Variants in B3GALT1 observed in about 807,000 individuals in gnomAD.
The protein encoded by B3GALT1 is beta-1,3-galactosyltransferase 1.
Under a neutral mutation model 23.2 loss-of-function variants are expected in B3GALT1, and 10 were observed. That is an observed-to-expected ratio of 0.43 (90% confidence interval 0.27 to 0.73). The LOEUF is 0.73. Among genes scored for constraint, B3GALT1 ranks in the 30% least tolerant of loss-of-function variants. The pLI is 0.21. For missense variants in B3GALT1, 299 were observed against 405.4 expected (o/e 0.74, Z 2.25); for synonymous variants, 156 against 141.5 (o/e 1.10, Z -0.73).
intron 1 of B3GALT1, among the ~76,000 whole-genome samples, chr2:167,457,280 C>T (rs1699186815): frequency 6.6e-6 from 1 of 152,026 alleles, no homozygotes; most frequent in African/African-American, 2.4e-5. Context: ...TCAAACGATT[C>T]TCCTGCCTCA....
intron 4 of B3GALT1, among the ~76,000 whole-genome samples, chr2:167,836,779 A>G (rs1689486782): frequency 6.6e-6 from 1 of 152,228 alleles, no homozygotes; most frequent in Non-Finnish European, 1.5e-5. Flanking sequence ...CCAGAGAGAA[A>G]GGGCGGGTTA....
At chr2:167,715,116 T>G in intron 3 of B3GALT1, 2 of 1,613,760 alleles carry the variant, frequency 1.2e-6, no homozygotes, top group South Asian at 1.1e-5. Context: ...GCAGCATGAA[T>G]CAGTTTCTTC....
intron 2 of B3GALT1, among the ~76,000 whole-genome samples, chr2:167,587,486 A>G (rs1022056122): frequency 6.6e-6 from 1 of 152,244 alleles, no homozygotes; most frequent in Non-Finnish European, 1.5e-5. Flanking sequence ...AGGAACTCAC[A>G]GCGAGTGTGC....
At chr2:167,608,334 T>C (rs903295257) in intron 2 of B3GALT1, among the ~76,000 whole-genome samples, 4 of 152,184 alleles carry the variant, frequency 2.6e-5, no homozygotes, top group Admixed American at 6.6e-5. Context: ...TCATAATACA[T>C]ATTCATCTGA....
intron 2 of B3GALT1, among the ~76,000 whole-genome samples, chr2:167,585,106 T>C (rs972238929): frequency 2.0e-5 from 3 of 152,184 alleles, no homozygotes; most frequent in Non-Finnish European, 2.9e-5. Flanking sequence ...AGTCATCTTA[T>C]TAACAGGCAA....
intron 2 of B3GALT1, among the ~76,000 whole-genome samples, chr2:167,627,759 T>A (rs896952585): frequency 7.3e-5 from 11 of 151,714 alleles, no homozygotes; most frequent in African/African-American, 2.7e-4. Flanking sequence ...CAAATCATTT[T>A]CTGATGTGGC....
intron 1 of B3GALT1, among the ~76,000 whole-genome samples, chr2:167,354,222 T>C (rs759155498): frequency 1.1e-4 from 17 of 152,234 alleles, no homozygotes; most frequent in Non-Finnish European, 2.1e-4. Context: ...AGTAGTGCCA[T>C]GATCTCTCTA....
intron 4 of B3GALT1, among the ~76,000 whole-genome samples, chr2:167,857,128 A>C (rs1230812193): frequency 6.6e-6 from 1 of 152,144 alleles, no homozygotes; most frequent in Non-Finnish European, 1.5e-5. Context: ...TTTGTCCAGG[A>C]GACCAATTTA....
chr2:167,346,737 T>G (rs952652123), intron 1 of B3GALT1, among the ~76,000 whole-genome samples: 10 of 34,826 alleles, frequency 2.9e-4, no homozygotes, highest in Non-Finnish European at 3.1e-4. Flanking sequence ...GAGTTGTTTG[T>G]GTGTGTGTGG....
At chr2:167,448,191 A>T (rs1270180906) in intron 1 of B3GALT1, among the ~76,000 whole-genome samples, 1 of 152,048 alleles carries the variant, frequency 6.6e-6, no homozygotes, top group Non-Finnish European at 1.5e-5. Context: ...TCTTTAAGGG[A>T]TATCCTCACT....
At chr2:167,434,627 T>A (rs921696781) in intron 1 of B3GALT1, among the ~76,000 whole-genome samples, 4 of 151,988 alleles carry the variant, frequency 2.6e-5, no homozygotes, top group Non-Finnish European at 5.9e-5. Context: ...TGTTCACTTC[T>A]GGCTTATTCA....
chr2:167,788,367 A>G (rs1688377530), intron 3 of B3GALT1, among the ~76,000 whole-genome samples: 1 of 152,144 alleles, frequency 6.6e-6, no homozygotes, highest in African/African-American at 2.4e-5. Flanking sequence ...TATATAAGGG[A>G]ATCATTCTAC....
chr2:167,753,350 C>T (rs983316308), intron 3 of B3GALT1, among the ~76,000 whole-genome samples: 1 of 152,156 alleles, frequency 6.6e-6, no homozygotes, highest in East Asian at 1.9e-4. Flanking sequence ...AAAGCCATGC[C>T]AGGTTGGGAG....
At chr2:167,721,580 A>C (rs1687236924) in intron 3 of B3GALT1, among the ~76,000 whole-genome samples, 1 of 152,246 alleles carries the variant, frequency 6.6e-6, no homozygotes, top group Non-Finnish European at 1.5e-5. Flanking sequence ...AATTGATAGA[A>C]CAAGAATCAG....
intron 4 of B3GALT1, among the ~76,000 whole-genome samples, chr2:167,823,341 C>T (rs1277307023): frequency 6.6e-6 from 1 of 151,626 alleles, no homozygotes; most frequent in Non-Finnish European, 1.5e-5. Context: ...TTTTAGAAGC[C>T]CCAAAAGGAC....
At chr2:167,522,564 A>G (rs1285193534) in intron 2 of B3GALT1, among the ~76,000 whole-genome samples, 1 of 152,134 alleles carries the variant, frequency 6.6e-6, no homozygotes, top group African/African-American at 2.4e-5. Flanking sequence ...CAAAAGACAT[A>G]TTTAATTAGA....
chr2:167,529,961 G>A lies in B3GALT1; in HGVS notation c.-410+39684G>A, dbSNP rs1205913358. Among the ~76,000 whole-genome samples, 6 of 152,016 alleles carry A rather than the reference G, an allele frequency of 3.9e-5. No homozygotes were observed. In the East Asian group the frequency reaches 1.2e-3, roughly 29 times the overall value. On this transcript the variant is annotated intron_variant, in intron 2 of 4. Coordinates refer to ENST00000392690, the MANE Select transcript of B3GALT1 (RefSeq NM_020981.4). ...CCCCTTCTCTCAGTTCTCTAGTGGA[G>A]TCCTGTCATCTTTAAAGTAATATTT...
intron 3 of B3GALT1, among the ~76,000 whole-genome samples, chr2:167,778,463 T>G (rs1363891710): frequency 6.6e-6 from 1 of 152,224 alleles, no homozygotes. Context: ...TAAACATTCT[T>G]TCCAATCAAT....
chr2:167,370,501 G>A (rs1372200223), intron 1 of B3GALT1, among the ~76,000 whole-genome samples: 12 of 152,154 alleles, frequency 7.9e-5, no homozygotes, highest in Non-Finnish European at 1.3e-4. Flanking sequence ...ATACACAGAC[G>A]CAGGCCCCAT....
Sources: allele counts gnomAD v4.1 joint callset (sites outside exome capture counted in the v4.1 genomes callset), GRCh38; gene constraint gnomAD v4.1.1; transcripts MANE v1.5; gene names NCBI Gene and HGNC (gene_info 2026-07-23, HGNC 2026-07-21).